Variants in DCPS observed in about 807,000 individuals in gnomAD.
DCPS encodes m7GpppX diphosphatase.
DCPS carries 27 observed loss-of-function variants against 34.7 expected under a neutral mutation model. That is an observed-to-expected ratio of 0.78 (90% CI 0.57 to 1.07). DCPS has a LOEUF of 1.07. Ranked by LOEUF, DCPS falls within the 50% of genes least tolerant of loss-of-function variation. The probability of loss-of-function intolerance (pLI) is 0.00; values close to 1 mark genes in which losing one functional copy is unlikely to be tolerated. For synonymous variants in DCPS, 185 were observed against 185.7 expected (o/e 1.00, Z 0.03); for missense variants, 464 against 436.9 (o/e 1.06, Z -0.55).
rs893595945 is a variant in DCPS, at chr11:126,309,418, T to G, written c.376+2674T>G. 7.2e-5 allele frequency among the ~76,000 whole-genome samples: 11 copies of G among 152,170 alleles called. No individual in the cohort carries two copies. In the East Asian group the frequency reaches 1.5e-3, roughly 21 times the overall value. On this transcript the variant is annotated intron_variant, in intron 2 of 5. Transcript: ENST00000263579. Reference sequence around the variant, plus strand: ...TCTGTGGATGCTCAAGTCCCTGATATAAAATGGTGTAGTATTTGCATGTAC... The same window carrying G: ...TCTGTGGATGCTCAAGTCCCTGATAGAAAATGGTGTAGTATTTGCATGTAC...
In DCPS at chr11:126,304,067, G is replaced by C. The variant is rs751282929; in HGVS notation, c.-14G>C. On this transcript the variant is annotated 5_prime_UTR_variant, in exon 1 of 6. Coordinates refer to ENST00000263579, the MANE Select transcript of DCPS (RefSeq NM_014026.6). ...AGCGCAGGGGGCGCAGGCGCACACCGCCTCCGCGGCAGCATGGCGGACGCA... is the reference window on the plus strand; with the variant it reads ...AGCGCAGGGGGCGCAGGCGCACACCCCCTCCGCGGCAGCATGGCGGACGCA... 38 of 1,578,808 alleles carry C rather than the reference G, an allele frequency of 2.4e-5. No homozygotes were observed. The highest frequency in any genetic ancestry group is 9.4e-5 in the African/African-American group (7 of 74,154).
intron 5 of DCPS, 90 bp downstream of exon 5, chr11:126,343,507 G>C: frequency 9.0e-7 from 1 of 1,105,168 alleles, no homozygotes; most frequent in Non-Finnish European, 1.3e-6. Context: ...ACCTTTCCCA[G>C]AGTCCATCTT....
chr11:126,334,484 C>T lies in DCPS; in HGVS notation c.522+2934C>T, dbSNP rs1565378418. Among the ~76,000 whole-genome samples the T allele has an allele frequency of 6.6e-6, 1 of 151,974 alleles. No individual in the cohort carries two copies. Among genetic ancestry groups the T allele is most frequent in the Non-Finnish European group, 1.5e-5 (1 of 67,962 alleles). ...TCACCCTCCCAAGTAGCTGGGATTACAGGCGCCCGCCACTATGCTGGGCTA... is the reference window on the plus strand; with the variant it reads ...TCACCCTCCCAAGTAGCTGGGATTATAGGCGCCCGCCACTATGCTGGGCTA... On this transcript the variant is annotated intron_variant, in intron 3 of 5. Coordinates refer to ENST00000263579, the MANE Select transcript of DCPS (RefSeq NM_014026.6). This position sits in a 1 kb window ranked among gnomAD's most constrained non-coding sequence, Gnocchi z 5.5.
chr11:126,317,239 G>C (rs574810395), intron 2 of DCPS, among the ~76,000 whole-genome samples: 2 of 151,290 alleles, frequency 1.3e-5, no homozygotes, highest in African/African-American at 2.5e-5. Context: ...GATTACAGGC[G>C]TGAGCCACTG....
rs917101932 is a variant in DCPS at position 126,319,078 on chromosome 11, C to T, written c.377-12327C>T. Among the ~76,000 whole-genome samples, 3 of 152,104 alleles carry T rather than the reference C, an allele frequency of 2.0e-5. No individual in the cohort carries two copies. Among genetic ancestry groups the T allele is most frequent in the Non-Finnish European group, 4.4e-5 (3 of 68,020 alleles). ...AGCAGATCCTCAGGGTCTTGATGGACAAGTCAGAGCTGTGTTAGTCCGGGG... is the reference window on the plus strand; with the variant it reads ...AGCAGATCCTCAGGGTCTTGATGGATAAGTCAGAGCTGTGTTAGTCCGGGG... On this transcript the variant is annotated intron_variant, in intron 2 of 5. Transcript: ENST00000263579. The surrounding 1 kb of genome is among the most constrained non-coding windows in gnomAD (Gnocchi z 4.5).
chr11:126,310,214 A>G (rs1309768134), intron 2 of DCPS, among the ~76,000 whole-genome samples: 1 of 152,186 alleles, frequency 6.6e-6, no homozygotes, highest in Admixed American at 6.5e-5. Context: ...CACCATCTGT[A>G]TGCCGGCGAC....
intron 2 of DCPS, among the ~76,000 whole-genome samples, chr11:126,308,119 A>T (rs973742164): frequency 1.3e-5 from 2 of 152,210 alleles, no homozygotes; most frequent in African/African-American, 4.8e-5. Flanking sequence ...AGCATTTCTT[A>T]ATTTATTAAA....
chr11:126,309,966 G>A (rs1951607668), intron 2 of DCPS, among the ~76,000 whole-genome samples: 1 of 151,672 alleles, frequency 6.6e-6, no homozygotes, highest in Admixed American at 6.6e-5. Context: ...ATCACTCTTG[G>A]TTTGCTGATT....
Position 126,343,363 on chromosome 11 carries a change from C to CG in DCPS, c.694dup (p.Asp232GlyfsTer69), listed in dbSNP as rs1555076745. The CG allele has an allele frequency of 1.2e-6, 2 of 1,613,892 alleles. No homozygotes were observed. Among genetic ancestry groups the CG allele is most frequent in the Non-Finnish European group, 1.7e-6 (2 of 1,179,974 alleles). On this transcript the variant is annotated frameshift_variant, in exon 5 of 6. Transcript: ENST00000263579. LOFTEE classifies it high-confidence loss of function. ...ATCGCCGGGGCATCAGATCCCTACG[C>CG]GACCTTACTCCGGAGCACTTGCCGC...
At chr11:126,326,116 C>A (rs769212036) in intron 2 of DCPS, among the ~76,000 whole-genome samples, 4 of 152,108 alleles carry the variant, frequency 2.6e-5, no homozygotes, top group Non-Finnish European at 5.9e-5. Flanking sequence ...GATTCCATCT[C>A]AAAAAATACA....
chr11:126,308,542 A>ACAGCT (rs1434135615), intron 2 of DCPS, among the ~76,000 whole-genome samples: 1 of 152,150 alleles, frequency 6.6e-6, no homozygotes, highest in African/African-American at 2.4e-5. Context: ...ATGGAAATGG[A>ACAGCT]CAGCTGTATT....
rs778624378 is a variant in DCPS at position 126,322,883 on chromosome 11, A to G, written c.377-8522A>G. Among the ~76,000 whole-genome samples the G allele has an allele frequency of 2.8e-4, 42 of 152,236 alleles. No homozygotes were observed. The highest frequency in any genetic ancestry group is 9.2e-4 in the Admixed American group (14 of 15,290). The stretch of plus-strand genomic sequence containing the variant: ...TCACTTTGTTGCCAGGTTGGAGTCC[A>G]GTGGTACAGTCATAGCTCATGGCAG... On this transcript the variant is annotated intron_variant, in intron 2 of 5. Coordinates refer to ENST00000263579, the MANE Select transcript of DCPS (RefSeq NM_014026.6). The surrounding 1 kb of genome is among the most constrained non-coding windows in gnomAD (Gnocchi z 4.2).
At chr11:126,339,292 T>C (rs541566630) in intron 4 of DCPS, among the ~76,000 whole-genome samples, 1 of 152,276 alleles carries the variant, frequency 6.6e-6, no homozygotes, top group South Asian at 2.1e-4. Context: ...GGCTCAGATG[T>C]GCCGTTCTGC....
rs1373819640 is a variant in DCPS, at chr11:126,338,767, AC to A, written c.636+370del. 6.6e-6 allele frequency among the ~76,000 whole-genome samples: 1 copy of A among 152,064 alleles called. No individual in the cohort carries two copies. The highest frequency in any genetic ancestry group is 1.5e-5 in the Non-Finnish European group (1 of 68,010). On this transcript the variant is annotated intron_variant, in intron 4 of 5. Transcript: ENST00000263579. This position sits in a 1 kb window ranked among gnomAD's most constrained non-coding sequence, Gnocchi z 5.4. ...TTCCATTTTCTCCATTCCCCTTGAC[AC>A]CAGCAGATCCAGGCAGGCCCGTGTT...
chr11:126,306,501 T>G, intron 1 of DCPS, 69 bp from the exon 2 acceptor site: 1 of 1,439,442 alleles, frequency 6.9e-7, no homozygotes, highest in Non-Finnish European at 9.2e-7. Context: ...CCTGGGAGCT[T>G]CTGTCTTGCT....
chr11:126,305,678 C>T (rs1315692218), intron 1 of DCPS, among the ~76,000 whole-genome samples: 3 of 152,222 alleles, frequency 2.0e-5, no homozygotes, highest in Non-Finnish European at 4.4e-5. Context: ...ACCTCTGCCT[C>T]CCAAAGTGCT....
At chr11:126,316,957 CTT>C (rs71048779) in intron 2 of DCPS, among the ~76,000 whole-genome samples, 24,913 of 93,282 alleles carry the variant, frequency 0.27, 2,877 homozygotes, top group East Asian at 0.74. Context: ...TGCCCGGCCT[CTT>C]TTTTTTTTTT....
intron 2 of DCPS, among the ~76,000 whole-genome samples, chr11:126,326,839 C>T (rs1018329943): frequency 4.0e-5 from 6 of 151,896 alleles, no homozygotes; most frequent in African/African-American, 7.3e-5. Flanking sequence ...AGGAGAATGG[C>T]GTGAGCCCGG....
rs1951973359 is a variant in DCPS at position 126,349,652 on chromosome 11, AT to A, written c.*4040del. Among the ~76,000 whole-genome samples the A allele has an allele frequency of 6.6e-6, 1 of 152,272 alleles. No homozygotes were observed. Among genetic ancestry groups the A allele is most frequent in the African/African-American group, 2.4e-5 (1 of 41,476 alleles). ...AAAATGTTTCTCTTGTAATACTTCC[AT>A]ATCCAAAGCATTTGAATATATTTAT... On this transcript the variant is annotated 3_prime_UTR_variant, in exon 6 of 6. Transcript: ENST00000263579. The surrounding 1 kb of genome is among the most constrained non-coding windows in gnomAD (Gnocchi z 5.4).
Sources: allele counts gnomAD v4.1 joint callset (sites outside exome capture counted in the v4.1 genomes callset), GRCh38; gene constraint gnomAD v4.1.1; non-coding constraint Gnocchi (gnomAD v3.1); transcripts MANE v1.5; gene names NCBI Gene and HGNC (gene_info 2026-07-23, HGNC 2026-07-21).